The following SBF2 variants were observed in gnomAD, a reference collection of about 807,000 sequenced individuals.
SBF2 encodes myotubularin-related protein 13.
In SBF2, 112 loss-of-function variants were observed where a neutral mutation model predicts 225.2. That is an observed-to-expected ratio of 0.50 (90% confidence interval 0.43 to 0.58). SBF2 has a LOEUF of 0.58. Ranked by LOEUF, SBF2 falls within the 20% of genes least tolerant of loss-of-function variation. SBF2 has a pLI of 0.00. For synonymous variants in SBF2, 763 were observed against 773.3 expected (o/e 0.99, Z 0.22); for missense variants, 1,996 against 2,206.2 (o/e 0.90, Z 1.91).
At chr11:10,092,876 G>A (rs1951840419) in intron 2 of SBF2, among the ~76,000 whole-genome samples, 2 of 151,866 alleles carry the variant, frequency 1.3e-5, no homozygotes, top group Non-Finnish European at 2.9e-5. Context: ...ACCCTAGAAC[G>A]AGCATAAGAT....
At chr11:10,214,351 C>T (rs372090375) in intron 1 of SBF2, among the ~76,000 whole-genome samples, 53 of 152,320 alleles carry the variant, frequency 3.5e-4, no homozygotes, top group African/African-American at 7.0e-4. Context: ...TGGCCGGGCG[C>T]GGTGGCTCAC....
intron 6 of SBF2, among the ~76,000 whole-genome samples, chr11:10,010,471 C>T (rs1186152099): frequency 6.6e-6 from 1 of 152,142 alleles, no homozygotes; most frequent in Non-Finnish European, 1.5e-5. Context: ...GCCAGTTTTC[C>T]CAACACCATT....
At chr11:9,879,507 T>G (rs1053702764) in intron 17 of SBF2, among the ~76,000 whole-genome samples, 1 of 152,154 alleles carries the variant, frequency 6.6e-6, no homozygotes, top group African/African-American at 2.4e-5. Context: ...CTGACATGCA[T>G]CATCATCGGT....
intron 1 of SBF2, among the ~76,000 whole-genome samples, chr11:10,261,739 G>C (rs1961450547): frequency 6.6e-6 from 1 of 152,184 alleles, no homozygotes; most frequent in African/African-American, 2.4e-5. Context: ...TTCATCAATA[G>C]AATGGATATG....
chr11:10,061,528 C>G (rs372464235), intron 2 of SBF2, among the ~76,000 whole-genome samples: 31 of 152,134 alleles, frequency 2.0e-4, no homozygotes, highest in Non-Finnish European at 3.2e-4. Context: ...AAATCACTAG[C>G]ATTCCTATAC....
chr11:10,116,452 T>C (rs1310110257), intron 2 of SBF2, among the ~76,000 whole-genome samples: 5 of 152,168 alleles, frequency 3.3e-5, no homozygotes, highest in Non-Finnish European at 7.4e-5. Flanking sequence ...GATTTATGCA[T>C]CAGAAAAAAC....
chr11:10,048,034 C>G (rs559895398), intron 2 of SBF2, among the ~76,000 whole-genome samples: 4 of 152,096 alleles, frequency 2.6e-5, no homozygotes, highest in African/African-American at 9.7e-5. Context: ...AACTTTTTAT[C>G]TATTAATACT....
intron 2 of SBF2, among the ~76,000 whole-genome samples, chr11:10,114,165 G>A (rs1400883502): frequency 1.3e-5 from 2 of 151,492 alleles, no homozygotes; most frequent in East Asian, 1.9e-4. Flanking sequence ...AAGCATTACT[G>A]AAGGAATTAA....
At chr11:9,882,539 T>A (rs962398656) in intron 17 of SBF2, among the ~76,000 whole-genome samples, 2 of 152,164 alleles carry the variant, frequency 1.3e-5, no homozygotes, top group Non-Finnish European at 1.5e-5. Context: ...CCGGGCATGG[T>A]GGCTCATGTC....
intron 16 of SBF2, among the ~76,000 whole-genome samples, chr11:9,922,850 A>G (rs1356964110): frequency 6.6e-6 from 1 of 152,200 alleles, no homozygotes; most frequent in African/African-American, 2.4e-5. Context: ...CCTACAGAGC[A>G]AGTTCATTTA....
intron 29 of SBF2, among the ~76,000 whole-genome samples, chr11:9,815,912 C>T (rs1396835054): frequency 6.6e-6 from 1 of 152,210 alleles, no homozygotes; most frequent in Non-Finnish European, 1.5e-5. Flanking sequence ...AGCAAAGCCA[C>T]TAGCCTGCTC....
chr11:9,944,093 CTTATT>C (rs1865433990), intron 16 of SBF2, among the ~76,000 whole-genome samples: 1 of 152,160 alleles, frequency 6.6e-6, no homozygotes. Context: ...TCAATGAATA[CTTATT>C]TTATCAGTGA....
rs182303104 is a variant in SBF2 at position 9,890,876 on chromosome 11, G to A, written c.1929+5067C>T. 3.7e-3 allele frequency among the ~76,000 whole-genome samples: 565 copies of A among 152,348 alleles called. 2 individuals are homozygous for A. Among genetic ancestry groups the A allele is most frequent in the Non-Finnish European group, 6.9e-3 (469 of 68,026 alleles). On this transcript the variant is annotated intron_variant, in intron 17 of 39. Coordinates refer to ENST00000256190, the MANE Select transcript of SBF2 (RefSeq NM_030962.4). ...CAGCCGGGTGTGGTGGCTCACACCT[G>A]TAATCCCAGCACTTTGGGAGGTCGA...
intron 2 of SBF2, among the ~76,000 whole-genome samples, chr11:10,053,541 C>T (rs891695814): frequency 1.3e-5 from 2 of 152,116 alleles, no homozygotes; most frequent in Admixed American, 6.6e-5. Flanking sequence ...TGTGCCAAGC[C>T]AGGCCAGGGC....
At chr11:10,214,981 C>A (rs975365227) in intron 1 of SBF2, among the ~76,000 whole-genome samples, 3 of 152,156 alleles carry the variant, frequency 2.0e-5, no homozygotes, top group African/African-American at 7.2e-5. Flanking sequence ...TCCTAGCCCA[C>A]AGAACCACTC....
chr11:10,251,576 A>G (rs1435282680), intron 1 of SBF2, among the ~76,000 whole-genome samples: 1 of 152,164 alleles, frequency 6.6e-6, no homozygotes, highest in African/African-American at 2.4e-5. Flanking sequence ...CTCCTCATCT[A>G]GCTCCTTCTT....
At chr11:9,915,461 A>T (rs1336660895) in intron 16 of SBF2, 1 of 151,794 alleles carries the variant, frequency 6.6e-6, no homozygotes, top group East Asian at 1.9e-4. Context: ...AAAAAAAAAA[A>T]AAAGAAATTC....
intron 16 of SBF2, among the ~76,000 whole-genome samples, chr11:9,902,420 C>T (rs552656655): frequency 6.6e-6 from 1 of 152,290 alleles, no homozygotes; most frequent in South Asian, 2.1e-4. Flanking sequence ...CAAGATATCC[C>T]ACCTCTTTAG....
chr11:9,915,557 T>A (rs1407235535), intron 16 of SBF2: 1 of 152,040 alleles, frequency 6.6e-6, no homozygotes, highest in Non-Finnish European at 1.5e-5. Context: ...TTTGTACAGT[T>A]TACATAGTTT....
Sources: allele counts gnomAD v4.1 joint callset (sites outside exome capture counted in the v4.1 genomes callset), GRCh38; gene constraint gnomAD v4.1.1; transcripts MANE v1.5; gene names NCBI Gene and HGNC (gene_info 2026-07-23, HGNC 2026-07-21).